KDM4C: variants seen among roughly 807,000 people sequenced by gnomAD.
The protein encoded by KDM4C is lysine-specific demethylase 4C.
Under a neutral mutation model 129.3 loss-of-function variants are expected in KDM4C, and 81 were observed. That is an observed-to-expected ratio of 0.63 (90% CI 0.52 to 0.75). KDM4C has a LOEUF of 0.75. KDM4C is among the 30% of genes least tolerant of loss of function. The pLI, the probability that KDM4C is intolerant of heterozygous loss-of-function variation, is 0.00. For synonymous variants in KDM4C, 573 were observed against 456.1 expected, an observed-to-expected ratio of 1.26 and a Z score of -3.26; for missense variants, 1,457 against 1,304.0, an observed-to-expected ratio of 1.12 and a Z score of -1.81.
chr9:6,937,491 G>C (rs10975917), intron 8 of KDM4C, among the ~76,000 whole-genome samples: 34,295 of 151,806 alleles, frequency 0.23, 4,661 homozygotes, highest in Middle Eastern at 0.4. Flanking sequence ...AATATAGTAG[G>C]GTATTTTTGT....
At chr9:6,729,220 AAAAAAAAG>A (rs1817246386) in intron 1 of KDM4C, among the ~76,000 whole-genome samples, 1 of 122,780 alleles carries the variant, frequency 8.1e-6, no homozygotes, top group Non-Finnish European at 1.6e-5. Context: ...AAAAAAAAAA[AAAAAAAAG>A]AAGAAGAAAA....
At chr9:6,808,830 A>G (rs1170597303) in intron 3 of KDM4C, among the ~76,000 whole-genome samples, 4 of 152,256 alleles carry the variant, frequency 2.6e-5, no homozygotes, top group East Asian at 1.9e-4. Context: ...AGGAGTGTCA[A>G]TGAATTTGTG....
chr9:7,114,527 C>T (rs1838680687), intron 18 of KDM4C, among the ~76,000 whole-genome samples: 1 of 152,116 alleles, frequency 6.6e-6, no homozygotes, highest in Non-Finnish European at 1.5e-5. Flanking sequence ...GGTTTTAGTT[C>T]TGTGTGGAAT....
intron 1 of KDM4C, among the ~76,000 whole-genome samples, chr9:6,724,434 ACAT>A (rs1340431198): frequency 1.3e-5 from 2 of 152,204 alleles, no homozygotes; most frequent in Non-Finnish European, 2.9e-5. Flanking sequence ...AAAAATGAAA[ACAT>A]CAACAAAGAA....
chr9:7,119,723 C>G (rs188441027), intron 18 of KDM4C, among the ~76,000 whole-genome samples: 1 of 152,002 alleles, frequency 6.6e-6, no homozygotes, highest in South Asian at 2.1e-4. Flanking sequence ...CATTTGAAAA[C>G]ATAGTTCTGA....
At chr9:6,986,836 CTGTG>C in intron 11 of KDM4C, 170 bp downstream of exon 11, 1 of 544,158 alleles carries the variant, frequency 1.8e-6, no homozygotes, top group Non-Finnish European at 3.2e-6. Flanking sequence ...CTCCTGTGAG[CTGTG>C]GCTCACATAG....
chr9:7,108,485 C>T (rs908513122), intron 18 of KDM4C, among the ~76,000 whole-genome samples: 2 of 152,270 alleles, frequency 1.3e-5, no homozygotes, highest in Middle Eastern at 3.4e-3. Flanking sequence ...GATCCAACTG[C>T]CTTGGCCTCC....
intron 15 of KDM4C, among the ~76,000 whole-genome samples, chr9:7,041,310 G>T (rs996742478): frequency 6.6e-6 from 1 of 151,974 alleles, no homozygotes; most frequent in African/African-American, 2.4e-5. Flanking sequence ...AGGAGGATAT[G>T]CATGGTTTAT....
intron 6 of KDM4C, among the ~76,000 whole-genome samples, chr9:6,883,799 A>T (rs1417291): frequency 0.19 from 29,008 of 151,966 alleles, 3,476 homozygotes; most frequent in Middle Eastern, 0.38. Context: ...TTTAACTCTG[A>T]CCAGTTTGAT....
At chr9:6,900,315 G>A (rs988955986) in intron 8 of KDM4C, among the ~76,000 whole-genome samples, 3 of 152,168 alleles carry the variant, frequency 2.0e-5, no homozygotes, top group African/African-American at 7.2e-5. Context: ...ATTTTTCTAG[G>A]TGTAATGGCT....
At chr9:7,145,024 G>A (rs914630808) in intron 19 of KDM4C, among the ~76,000 whole-genome samples, 2 of 152,130 alleles carry the variant, frequency 1.3e-5, no homozygotes, top group African/African-American at 2.4e-5. Context: ...ACCCCTTTGC[G>A]CATCACCTGG....
intron 8 of KDM4C, among the ~76,000 whole-genome samples, chr9:6,948,706 C>G (rs966566531): frequency 6.6e-6 from 1 of 151,870 alleles, no homozygotes; most frequent in Non-Finnish European, 1.5e-5. Context: ...ATGCTGCCTT[C>G]AAGCATCTTT....
rs1351349868 is a variant in KDM4C, at chr9:6,877,423, G to A, written c.630-2589G>A. Among the ~76,000 whole-genome samples, 6 of 152,100 alleles carry A rather than the reference G, an allele frequency of 3.9e-5. No homozygotes were observed. The East Asian group carries it at 5.8e-4, about 15-fold the overall frequency. On this transcript the variant is annotated intron_variant, in intron 5 of 21. Transcript: ENST00000381309. ...CACCTTGTTAGCCAGGGTGGTCTCG[G>A]TCTCCTGACCTCATGATCTGCCCGC...
chr9:6,827,580 G>C (rs897847794), intron 4 of KDM4C, among the ~76,000 whole-genome samples: 2 of 152,208 alleles, frequency 1.3e-5, no homozygotes, highest in Non-Finnish European at 2.9e-5. Flanking sequence ...TTGAGGCTGT[G>C]GGTTTCCAAA....
chr9:7,053,853 G>A lies in KDM4C; in HGVS notation c.2424+4653G>A, dbSNP rs142746975. On this transcript the variant is annotated intron_variant, in intron 17 of 21. Transcript: ENST00000381309. ...TATTAAGTAGAGTCATCCTGTTACA[G>A]GGCAGAAATGAAAATGCTAACAAAT... Among the ~76,000 whole-genome samples, 93 of 152,288 alleles carry A rather than the reference G, an allele frequency of 6.1e-4. 1 individual carries two copies. The East Asian group carries it at 0.015, about 25-fold the overall frequency.
chr9:7,129,430 C>T (rs930433599), intron 19 of KDM4C, among the ~76,000 whole-genome samples: 3 of 152,150 alleles, frequency 2.0e-5, no homozygotes, highest in Non-Finnish European at 4.4e-5. Context: ...AATTGTGTTT[C>T]TTACCAGGGT....
chr9:7,105,975 C>T (rs1335785202), intron 18 of KDM4C, among the ~76,000 whole-genome samples: 2 of 152,162 alleles, frequency 1.3e-5, no homozygotes, highest in Non-Finnish European at 2.9e-5. Flanking sequence ...TAATTTACAA[C>T]ATCACGTGAG....
intron 8 of KDM4C, chr9:6,893,454 C>T: frequency 8.2e-6 from 3 of 364,254 alleles, no homozygotes; most frequent in Non-Finnish European, 1.5e-5. Flanking sequence ...GAGCAATTTA[C>T]CCTGATAGGT....
chr9:6,772,335 G>T (rs1294196638), intron 1 of KDM4C, among the ~76,000 whole-genome samples: 1 of 150,672 alleles, frequency 6.6e-6, no homozygotes, highest in African/African-American at 2.4e-5. Flanking sequence ...TTTTAGTAGA[G>T]ACGGGGTTTC....
Sources: allele counts gnomAD v4.1 joint callset (sites outside exome capture counted in the v4.1 genomes callset), GRCh38; gene constraint gnomAD v4.1.1; transcripts MANE v1.5; gene names NCBI Gene and HGNC (gene_info 2026-07-23, HGNC 2026-07-21).